SP100: variants seen among roughly 807,000 people sequenced by gnomAD.
The protein encoded by SP100 is nuclear autoantigen Sp-100.
A neutral mutation model predicts 130.0 loss-of-function variants in SP100; 84 were observed. That is an observed-to-expected ratio of 0.65 (90% CI 0.54 to 0.77). The LOEUF (loss-of-function observed/expected upper bound fraction) is 0.77, where lower values mean the gene tolerates loss of function less well. SP100 is among the 30% of genes least tolerant of loss of function. The pLI, the probability that SP100 is intolerant of heterozygous loss-of-function variation, is 0.00. For missense variants in SP100, 978 were observed against 1,052.2 expected (o/e 0.93, Z 0.97); for synonymous variants, 331 against 351.7 (o/e 0.94, Z 0.66).
rs59413754 is a variant in SP100, at chr2:230,436,926, A to ATGC, written c.108-6011_108-6010insTGC. ...CACACGCATATATGTGTATACACACAAGTGTATACACACACGCATATATGT... is the reference window on the plus strand; with the variant it reads ...CACACGCATATATGTGTATACACACATGCAGTGTATACACACACGCATATATGT... On this transcript the variant is annotated intron_variant, in intron 2 of 28. Coordinates refer to ENST00000340126, the MANE Select transcript of SP100 (RefSeq NM_001080391.2). 2.4e-3 allele frequency among the ~76,000 whole-genome samples: 193 copies of ATGC among 81,002 alleles called. 2 individuals are homozygous for ATGC. The highest frequency in any genetic ancestry group is 0.011 in the African/African-American group (183 of 16,460). 53.1% of individuals were successfully genotyped at this position (81,002 alleles called of 152,430 possible). A position where few individuals can be genotyped will look rare whatever the true frequency, so the allele number is the denominator to read the frequency against.
In SP100 at chr2:230,498,552, ACATTTT is replaced by A; in HGVS notation, c.1720+18_1720+23del. The A allele has an allele frequency of 5.4e-6, 7 of 1,296,022 alleles. No homozygotes were observed. The highest frequency in any genetic ancestry group is 7.3e-6 in the Non-Finnish European group (7 of 964,256). 80.3% of individuals were successfully genotyped at this position (1,296,022 alleles called of 1,614,324 possible). A position where few individuals can be genotyped will look rare whatever the true frequency, so the allele number is the denominator to read the frequency against. ...AACAAAGAGGTAAAAAAAAAAAAAT[ACATTTT>A]AAATAAATAACGTCTAAATTCTCAT... is the stretch of plus-strand genomic sequence containing the variant. On this transcript the variant is annotated intron_variant, in intron 19 of 28. Transcript: ENST00000340126.
At chr2:230,533,598 A>T (rs1265028138) in intron 24 of SP100, among the ~76,000 whole-genome samples, 1 of 152,222 alleles carries the variant, frequency 6.6e-6, no homozygotes, top group African/African-American at 2.4e-5. Context: ...CAGACCTGGG[A>T]GAAAATGACA....
chr2:230,431,901 A>G (rs1282412336), intron 2 of SP100, among the ~76,000 whole-genome samples: 1 of 152,176 alleles, frequency 6.6e-6, no homozygotes, highest in East Asian at 1.9e-4. Context: ...TATAATTTAC[A>G]TACTGTAAAA....
At chr2:230,477,786 C>G (rs539260033) in intron 17 of SP100, among the ~76,000 whole-genome samples, 24 of 152,130 alleles carry the variant, frequency 1.6e-4, no homozygotes, top group African/African-American at 5.1e-4. Context: ...ATGCATTGAA[C>G]TGGCTAGGCA....
chr2:230,515,131 A>G (rs768564645), intron 24 of SP100: 5 of 1,612,712 alleles, frequency 3.1e-6, no homozygotes, highest in African/African-American at 2.7e-5. Flanking sequence ...TGCTTCAGTC[A>G]AGTTCTCAGA....
chr2:230,541,392 A>G lies in SP100; in HGVS notation c.2403+20A>G, dbSNP rs771163997. 6.3e-7 allele frequency: 1 copy of G among 1,598,488 alleles called. No homozygotes were observed. Among genetic ancestry groups the G allele is most frequent in the Admixed American group, 1.7e-5 (1 of 59,714 alleles). ...TATTATGTAAGTAACAGCCAAACAA[A>G]AATGCTTATACTGGCATTTGTCAAA... On this transcript the variant is annotated intron_variant, in intron 27 of 28. Transcript: ENST00000340126.
At chr2:230,539,913 G>A (rs1380883798) in intron 25 of SP100, among the ~76,000 whole-genome samples, 1 of 152,186 alleles carries the variant, frequency 6.6e-6, no homozygotes, top group Non-Finnish European at 1.5e-5. Flanking sequence ...TTGATAAGGT[G>A]CTCTGTGAGT....
intron 2 of SP100, among the ~76,000 whole-genome samples, chr2:230,428,207 G>A (rs1301086096): frequency 1.3e-5 from 2 of 152,018 alleles, no homozygotes; most frequent in South Asian, 2.1e-4. Flanking sequence ...GGTTGACAGA[G>A]CAAAAGCAAG....
At chr2:230,465,137 G>C (rs2149976670) in intron 11 of SP100, among the ~76,000 whole-genome samples, 1 of 152,292 alleles carries the variant, frequency 6.6e-6, no homozygotes, top group Middle Eastern at 3.4e-3. Context: ...TCGGGAGGCT[G>C]AGGCCAAAGA....
chr2:230,530,048 C>A (rs113168084), intron 24 of SP100, among the ~76,000 whole-genome samples: 2 of 152,114 alleles, frequency 1.3e-5, no homozygotes. Context: ...CAAGCTACCA[C>A]TGACTTTCTT....
At chr2:230,471,780 A>G (rs899998643) in intron 15 of SP100, among the ~76,000 whole-genome samples, 6 of 152,146 alleles carry the variant, frequency 3.9e-5, no homozygotes, top group Admixed American at 3.9e-4. Flanking sequence ...AAGAATGGAG[A>G]AAGGTAGGCT....
At chr2:230,475,802 C>T (rs898060127) in intron 17 of SP100, among the ~76,000 whole-genome samples, 9 of 151,616 alleles carry the variant, frequency 5.9e-5, no homozygotes, top group Non-Finnish European at 8.8e-5. Context: ...CAGTCCATTT[C>T]CCATTGCTTA....
intron 2 of SP100, among the ~76,000 whole-genome samples, chr2:230,437,430 G>A (rs2063326838): frequency 6.6e-6 from 1 of 152,166 alleles, no homozygotes; most frequent in Admixed American, 6.5e-5. Flanking sequence ...TCTATATGAA[G>A]TCTGTTTCAC....
intron 11 of SP100, among the ~76,000 whole-genome samples, chr2:230,465,350 G>A (rs969873210): frequency 2.8e-4 from 43 of 152,138 alleles, no homozygotes; most frequent in African/African-American, 7.5e-4. Flanking sequence ...AGTGAGTTAC[G>A]ATTGTGCCAC....
intron 24 of SP100, among the ~76,000 whole-genome samples, chr2:230,526,163 G>A (rs779804486): frequency 2.6e-5 from 4 of 152,020 alleles, no homozygotes; most frequent in Non-Finnish European, 5.9e-5. Flanking sequence ...AGGGGCTCAC[G>A]GACACCTCAA....
chr2:230,450,519 T>C lies in SP100; in HGVS notation c.820+264T>C, dbSNP rs757550853. On this transcript the variant is annotated intron_variant, in intron 8 of 28. Transcript: ENST00000340126. ...ACACAAAACCTATTCTCTCAGTAAT[T>C]TTTAAGAATACATTATTAACTATAT... Among the ~76,000 whole-genome samples, 100 of 152,284 alleles carry C rather than the reference T, an allele frequency of 6.6e-4. No individual in the cohort carries two copies. In the Middle Eastern group the frequency reaches 0.01, roughly 16 times the overall value.
chr2:230,472,264 T>TA (rs1423695116), intron 15 of SP100, among the ~76,000 whole-genome samples: 1 of 150,966 alleles, frequency 6.6e-6, no homozygotes, highest in African/African-American at 2.4e-5. Flanking sequence ...CCATCTCTAC[T>TA]AAAAACAAAA....
At chr2:230,426,976 C>T (rs2062950794) in intron 2 of SP100, among the ~76,000 whole-genome samples, 1 of 152,146 alleles carries the variant, frequency 6.6e-6, no homozygotes, top group Non-Finnish European at 1.5e-5. Context: ...TCTTGATGAA[C>T]TGTCCCCTTT....
intron 13 of SP100, among the ~76,000 whole-genome samples, chr2:230,468,631 G>A (rs1173024118): frequency 6.6e-6 from 1 of 151,818 alleles, no homozygotes; most frequent in Non-Finnish European, 1.5e-5. Flanking sequence ...TAGGCAACAT[G>A]GCAAAACCCC....
Sources: gnomAD v4.1 joint callset for allele counts (sites outside exome capture counted in the v4.1 genomes callset) on GRCh38, gnomAD v4.1.1 for gene constraint, MANE v1.5 for transcripts, NCBI Gene and HGNC (gene_info 2026-07-23, HGNC 2026-07-21) for gene names.